Variants in CRYBG1 observed in about 807,000 individuals in gnomAD.
CRYBG1 encodes beta/gamma crystallin domain-containing protein 1.
A neutral mutation model predicts 189.2 loss-of-function variants in CRYBG1; 139 were observed. That is an observed-to-expected ratio of 0.73 (90% confidence interval 0.64 to 0.85). The LOEUF is 0.85. Ranked by LOEUF, CRYBG1 falls within the 40% of genes least tolerant of loss-of-function variation. The pLI is 0.00. For synonymous variants in CRYBG1, 1,023 were observed against 1,017.1 expected (o/e 1.01, Z -0.11); for missense variants, 2,611 against 2,675.8 (o/e 0.98, Z 0.53).
intron 1 of CRYBG1, among the ~76,000 whole-genome samples, chr6:106,430,736 C>G (rs1252653245): frequency 1.3e-5 from 2 of 152,048 alleles, no homozygotes; most frequent in Non-Finnish European, 2.9e-5. Context: ...GCCTTTCCCT[C>G]TCCATGGGGC....
intron 2 of CRYBG1, among the ~76,000 whole-genome samples, chr6:106,498,102 A>T (rs1424524806): frequency 2.3e-5 from 1 of 43,194 alleles, no homozygotes; most frequent in Non-Finnish European, 5.3e-5. Context: ...CTCCGTCTTA[A>T]AAAAAAAAAA....
intron 2 of CRYBG1, among the ~76,000 whole-genome samples, chr6:106,506,319 A>G (rs140595688): frequency 2.0e-5 from 3 of 152,172 alleles, no homozygotes; most frequent in African/African-American, 7.2e-5. Flanking sequence ...GCAACAGAAC[A>G]TTTTTCCTGT....
chr6:106,493,904 C>T (rs1044815952), intron 2 of CRYBG1, among the ~76,000 whole-genome samples: 8 of 152,004 alleles, frequency 5.3e-5, no homozygotes, highest in African/African-American at 1.7e-4. Context: ...CCATGGCATA[C>T]GTTTACCCAT....
intron 2 of CRYBG1, among the ~76,000 whole-genome samples, chr6:106,502,948 A>T (rs1287764302): frequency 6.6e-6 from 1 of 152,224 alleles, no homozygotes; most frequent in Admixed American, 6.5e-5. Context: ...CATATGCCTC[A>T]TGCCCCACAA....
rs142050085 is a variant in CRYBG1, at chr6:106,521,431, G to T, written c.4223G>T (p.Gly1408Val). The change falls in exon 4 of 22, where the codon GGA (glycine) becomes GTA (valine). Residue 1408 changes from glycine to valine, a missense_variant. Physicochemically the swap from Gly to Val is moderately radical, Grantham distance 109 (BLOSUM62 -3). This residue lies in a region of CRYBG1 where 1,622 missense variants were observed against 1,735.0 expected (regional missense o/e 0.93). Transcript: ENST00000633556. ...SRYDPSISFS[G>V]MSLSDTMTLR... ...TATGACCCAAGCATTTCTTTTTCTG[G>T]AATGTCATTATCAGACACAATGGTA... 4.2e-5 allele frequency: 66 copies of T among 1,585,290 alleles called. No individual in the cohort carries two copies. The highest frequency in any genetic ancestry group is 5.5e-5 in the Non-Finnish European group (64 of 1,169,208).
intron 1 of CRYBG1, among the ~76,000 whole-genome samples, chr6:106,432,908 C>T (rs1192648730): frequency 7.0e-6 from 1 of 142,944 alleles, no homozygotes; most frequent in Non-Finnish European, 1.5e-5. Context: ...GACGCCATCT[C>T]GGCTCACTGC....
intron 2 of CRYBG1, among the ~76,000 whole-genome samples, chr6:106,499,542 G>A (rs1292340299): frequency 6.6e-6 from 1 of 151,720 alleles, no homozygotes; most frequent in Admixed American, 6.6e-5. Context: ...GGGGTATAAT[G>A]TGATGTTTTG....
intron 2 of CRYBG1, among the ~76,000 whole-genome samples, chr6:106,471,861 A>G (rs1268462700): frequency 6.6e-6 from 1 of 152,212 alleles, no homozygotes; most frequent in Non-Finnish European, 1.5e-5. Context: ...ACTATAGACA[A>G]AAAGGAAAAG....
At position 106,365,441 on chromosome 6, in the gene CRYBG1, G is replaced by A. The variant is rs1349738435; in HGVS notation, c.173+4360G>A. Among the ~76,000 whole-genome samples the A allele has an allele frequency of 7.4e-3, 680 of 91,802 alleles. 8 individuals are homozygous for A. The highest frequency in any genetic ancestry group is 0.023 in the African/African-American group (637 of 27,318). The allele number at this position is 91,802 out of a possible 152,430, so 60.2% of individuals were successfully genotyped here. A position where few individuals can be genotyped will look rare whatever the true frequency, so the allele number is the denominator to read the frequency against. Reference sequence around the variant, plus strand: ...GACTCTGTCTCAAAAAAAGCAAAACGAAACAAAACCAAAAAAAAAAAAACA... The same window carrying A: ...GACTCTGTCTCAAAAAAAGCAAAACAAAACAAAACCAAAAAAAAAAAAACA... On this transcript the variant is annotated intron_variant, in intron 1 of 21. Transcript: ENST00000633556.
chr6:106,482,563 C>T (rs760242958), intron 2 of CRYBG1, among the ~76,000 whole-genome samples: 3 of 152,074 alleles, frequency 2.0e-5, no homozygotes, highest in Non-Finnish European at 2.9e-5. Flanking sequence ...ATCACAAGGT[C>T]AGGAGATCGA....
rs1307719274 is a variant in CRYBG1, at chr6:106,569,827, G to C, written c.*1261G>C. On this transcript the variant is annotated 3_prime_UTR_variant, in exon 22 of 22. Transcript: ENST00000633556. ...TGTTGGTGGACAGCCTCAGGTCTTG[G>C]GGGCACTATAGCCACTAAACGAGGT... 1.3e-5 allele frequency: 2 copies of C among 152,164 alleles called. No homozygotes were observed. The highest frequency in any genetic ancestry group is 4.8e-5 in the African/African-American group (2 of 41,432). The allele number at this position is 152,164 out of a possible 1,614,324, so 9.4% of individuals were successfully genotyped here. A position where few individuals can be genotyped will look rare whatever the true frequency, so the allele number is the denominator to read the frequency against.
intron 1 of CRYBG1, among the ~76,000 whole-genome samples, chr6:106,399,874 C>T (rs1770688751): frequency 6.6e-6 from 1 of 151,876 alleles, no homozygotes; most frequent in African/African-American, 2.4e-5. Context: ...CGGTGGCTCA[C>T]ACCTGTAATC....
chr6:106,361,903 G>T (rs1455838165), intron 1 of CRYBG1, among the ~76,000 whole-genome samples: 1 of 148,858 alleles, frequency 6.7e-6, no homozygotes, highest in Non-Finnish European at 1.5e-5. Context: ...TACACCCTAT[G>T]AGGGCCAGAA....
At chr6:106,424,170 T>C (rs757069431) in intron 1 of CRYBG1, among the ~76,000 whole-genome samples, 3 of 152,212 alleles carry the variant, frequency 2.0e-5, no homozygotes, top group Non-Finnish European at 4.4e-5. Flanking sequence ...AATTGGTTTA[T>C]AAAATTTCAT....
intron 2 of CRYBG1, among the ~76,000 whole-genome samples, chr6:106,510,694 A>C (rs1209695433): frequency 1.3e-5 from 2 of 152,120 alleles, no homozygotes; most frequent in Non-Finnish European, 2.9e-5. Context: ...TCACCCCTGC[A>C]ACCTCGCCCG....
At chr6:106,461,774 G>A (rs922127494) in intron 2 of CRYBG1, among the ~76,000 whole-genome samples, 1 of 152,108 alleles carries the variant, frequency 6.6e-6, no homozygotes, top group African/African-American at 2.4e-5. Flanking sequence ...AGGCTGATCC[G>A]ATCCAGAGCC....
intron 3 of CRYBG1, among the ~76,000 whole-genome samples, chr6:106,516,239 C>CT (rs35042053): frequency 7.6e-4 from 110 of 144,666 alleles, no homozygotes; most frequent in Middle Eastern, 3.6e-3. Context: ...GCCCAAGCTT[C>CT]TTTTTTTTTT....
intron 1 of CRYBG1, among the ~76,000 whole-genome samples, chr6:106,394,254 G>A (rs1005695869): frequency 5.0e-4 from 76 of 151,950 alleles, no homozygotes; most frequent in African/African-American, 1.8e-3. Context: ...TATATTCTTA[G>A]GTTTTCCAAG....
chr6:106,558,612 G>A lies in CRYBG1; in HGVS notation c.5842G>A (p.Val1948Ile), dbSNP rs752085343. The change falls in exon 18 of 22, where the codon GTT becomes ATT. Residue 1948 changes from valine to isoleucine, a missense_variant. By Grantham distance (29) the Val-to-Ile change is conservative (BLOSUM62 3). Around this residue, in one of 3 missense-constraint regions of CRYBG1, gnomAD observed 1,622 missense variants for 1,735.0 expected, o/e 0.93. Transcript: ENST00000633556. ...CAACACACAAATACGCTCTGTTCAGGTTATTGGTGGCATGTGAGTTACCTA... is the reference window on the plus strand; with the variant it reads ...CAACACACAAATACGCTCTGTTCAGATTATTGGTGGCATGTGAGTTACCTA... ...GFNTQIRSVQ[V>I]IGGIWVTYEY... 6.3e-7 allele frequency: 1 copy of A among 1,599,674 alleles called. No individual in the cohort carries two copies. Among genetic ancestry groups the A allele is most frequent in the Non-Finnish European group, 8.5e-7 (1 of 1,175,678 alleles).
Sources: allele counts gnomAD v4.1 joint callset (sites outside exome capture counted in the v4.1 genomes callset), GRCh38; gene constraint gnomAD v4.1.1; regional missense constraint gnomAD v4.1.1; transcripts MANE v1.5; gene names NCBI Gene and HGNC (gene_info 2026-07-23, HGNC 2026-07-21).